The following SHISA9 variants were observed in gnomAD, a reference collection of about 807,000 sequenced individuals.
The protein encoded by SHISA9 is shisa family member 9.
In SHISA9, 13 loss-of-function variants were observed where a neutral mutation model predicts 38.0. The observed-to-expected ratio is 0.34, with a 90% CI of 0.22 to 0.54. SHISA9 has a LOEUF of 0.54. SHISA9 is among the 20% of genes least tolerant of loss of function. SHISA9 has a pLI of 0.91. For synonymous variants in SHISA9, 275 were observed against 242.0 expected (o/e 1.14, Z -1.27); for missense variants, 538 against 575.8 (o/e 0.93, Z 0.67).
At chr16:12,933,248 C>A (rs1247287463) in intron 2 of SHISA9, among the ~76,000 whole-genome samples, 2 of 152,024 alleles carry the variant, frequency 1.3e-5, no homozygotes, top group Non-Finnish European at 2.9e-5. Context: ...CATATCAGAA[C>A]TGCATTCCTT....
rs77113042 is a variant in SHISA9, at chr16:13,173,749, A to G, written c.692-29645A>G. Among the ~76,000 whole-genome samples, 1,092 of 152,230 alleles carry G rather than the reference A, an allele frequency of 7.2e-3. 12 individuals carry two copies. The highest frequency in any genetic ancestry group is 0.023 in the African/African-American group (957 of 41,540). On this transcript the variant is annotated intron_variant, in intron 2 of 4. Coordinates refer to ENST00000558583, the MANE Select transcript of SHISA9 (RefSeq NM_001145204.3). ...TGCCGAGATTTGGAAACCGAGGTCT[A>G]ATGGAGAAGACAAATGAAAAACCCG...
intron 2 of SHISA9, among the ~76,000 whole-genome samples, chr16:13,059,301 G>A (rs1262837638): frequency 6.6e-6 from 1 of 151,766 alleles, no homozygotes; most frequent in African/African-American, 2.4e-5. Flanking sequence ...CTAATTTTTT[G>A]TATTTTTAGT....
chr16:13,089,515 C>G (rs2073751063), intron 2 of SHISA9, among the ~76,000 whole-genome samples: 1 of 152,162 alleles, frequency 6.6e-6, no homozygotes, highest in South Asian at 2.1e-4. Context: ...CAACTTCTTC[C>G]TAGTTTAGTC....
At chr16:12,914,664 C>T (rs894665943) in intron 1 of SHISA9, among the ~76,000 whole-genome samples, 1 of 152,160 alleles carries the variant, frequency 6.6e-6, no homozygotes, top group Non-Finnish European at 1.5e-5. Context: ...ATCTCTGTCT[C>T]ACAGCCGAGA....
chr16:13,155,613 C>T (rs781271091), intron 2 of SHISA9, among the ~76,000 whole-genome samples: 12 of 151,856 alleles, frequency 7.9e-5, no homozygotes, highest in Admixed American at 2.6e-4. Flanking sequence ...TGTCTGTGTG[C>T]ATACGTACAT....
chr16:13,357,219 C>A, the SHISA9 span, among the ~76,000 whole-genome samples: 1 of 152,180 alleles, frequency 6.6e-6, no homozygotes, highest in African/African-American at 2.4e-5. Flanking sequence ...CCTAGGAAAG[C>A]GGGACTTGCC....
intron 2 of SHISA9, among the ~76,000 whole-genome samples, chr16:13,031,447 C>T (rs2072990203): frequency 1.3e-5 from 2 of 152,150 alleles, no homozygotes; most frequent in Admixed American, 6.5e-5. Context: ...CAGTATGATA[C>T]AGGCACCAAC....
chr16:12,949,790 G>A (rs1293172148), intron 2 of SHISA9, among the ~76,000 whole-genome samples: 1 of 152,146 alleles, frequency 6.6e-6, no homozygotes, highest in Non-Finnish European at 1.5e-5. Context: ...TTCAGTACAT[G>A]CATACAATGT....
intron 2 of SHISA9, among the ~76,000 whole-genome samples, chr16:13,085,863 A>C (rs1756670400): frequency 6.6e-6 from 1 of 152,224 alleles, no homozygotes; most frequent in South Asian, 2.1e-4. Flanking sequence ...GAAAGTTAGC[A>C]CACACAATAA....
chr16:12,929,085 TGA>T (rs925670766), intron 2 of SHISA9, among the ~76,000 whole-genome samples: 3 of 152,298 alleles, frequency 2.0e-5, no homozygotes, highest in Non-Finnish European at 2.9e-5. Flanking sequence ...AAAGCCACAA[TGA>T]GATACCATCT....
intron 2 of SHISA9, among the ~76,000 whole-genome samples, chr16:13,043,766 ATTT>A (rs2073158239): frequency 7.0e-6 from 1 of 143,478 alleles, no homozygotes; most frequent in Admixed American, 6.8e-5. Context: ...AATAGCTTAG[ATTT>A]ATTGACATTT....
the SHISA9 span, among the ~76,000 whole-genome samples, chr16:13,422,636 C>T: frequency 6.6e-6 from 1 of 152,326 alleles, no homozygotes; most frequent in Admixed American, 6.5e-5. Flanking sequence ...GCGGAGGTTG[C>T]AGTGAGCTGA....
chr16:13,379,328 G>T, the SHISA9 span, among the ~76,000 whole-genome samples: 1 of 152,202 alleles, frequency 6.6e-6, no homozygotes, highest in African/African-American at 2.4e-5. Context: ...TAAAATGCTT[G>T]CTCTCTCTGA....
rs962817004 is a variant in SHISA9, at chr16:13,009,293, A to G, written c.691+92478A>G. 2.6e-5 allele frequency among the ~76,000 whole-genome samples: 4 copies of G among 152,190 alleles called. No individual in the cohort carries two copies. In the South Asian group the frequency reaches 8.3e-4, roughly 32 times the overall value. ...TGGGTTCAGAACCACTGTGGCTTGT[A>G]GAGGTGGTGAGACTTGATCCAGGTC... On this transcript the variant is annotated intron_variant, in intron 2 of 4. Coordinates refer to ENST00000558583, the MANE Select transcript of SHISA9 (RefSeq NM_001145204.3).
the SHISA9 span, among the ~76,000 whole-genome samples, chr16:13,560,527 C>T: frequency 6.6e-6 from 1 of 152,150 alleles, no homozygotes; most frequent in Non-Finnish European, 1.5e-5. Context: ...GGCCAGACAC[C>T]TCCAACGAAC....
chr16:13,545,797 C>T, the SHISA9 span, among the ~76,000 whole-genome samples: 5 of 152,112 alleles, frequency 3.3e-5, no homozygotes, highest in African/African-American at 4.8e-5. Flanking sequence ...ACACCGGTCC[C>T]GATCCGCTTC....
chr16:12,983,524 T>TGTC (rs1272800395), intron 2 of SHISA9, among the ~76,000 whole-genome samples: 1 of 152,204 alleles, frequency 6.6e-6, no homozygotes, highest in Non-Finnish European at 1.5e-5. Context: ...AGTCTTGCCC[T>TGTC]GTCACCCAGG....
At chr16:13,288,393 T>A in the SHISA9 span, among the ~76,000 whole-genome samples, 1 of 151,972 alleles carries the variant, frequency 6.6e-6, no homozygotes, top group African/African-American at 2.4e-5. Context: ...CTTCTCATTG[T>A]GTTTTCACAT....
the SHISA9 span, among the ~76,000 whole-genome samples, chr16:13,463,031 C>T: frequency 2.0e-5 from 3 of 151,994 alleles, no homozygotes; most frequent in Non-Finnish European, 4.4e-5. Context: ...TGGCACATGC[C>T]TGTGGTCCCA....
Sources: allele counts gnomAD v4.1 joint callset (sites outside exome capture counted in the v4.1 genomes callset), GRCh38; gene constraint gnomAD v4.1.1; transcripts MANE v1.5; gene names NCBI Gene and HGNC (gene_info 2026-07-23, HGNC 2026-07-21).